Variants in PEAK1 observed in about 807,000 individuals in gnomAD.
PEAK1 encodes the protein pseudopodium enriched atypical kinase 1.
In PEAK1, 54 loss-of-function variants were observed where a neutral mutation model predicts 124.7. The ratio of observed to expected loss-of-function variants is 0.43; its 90% CI spans 0.35 to 0.54. The LOEUF (loss-of-function observed/expected upper bound fraction) is 0.54. Ranked by LOEUF, PEAK1 falls within the 20% of genes least tolerant of loss-of-function variation. The pLI is 0.01. For missense variants in PEAK1, 2,046 were observed against 2,134.5 expected, an observed-to-expected ratio of 0.96 and a Z score of 0.82; for synonymous variants, 719 against 760.0, an observed-to-expected ratio of 0.95 and a Z score of 0.89.
intron 2 of PEAK1, chr15:77,350,073 T>C (rs2067114357): frequency 2.0e-6 from 2 of 985,436 alleles, no homozygotes; most frequent in Non-Finnish European, 2.4e-6. Context: ...TTTCAGATCA[T>C]TTGTGCAAAC....
At chr15:77,403,310 C>T (rs2071532658) in intron 1 of PEAK1, 1 of 961,488 alleles carries the variant, frequency 1.0e-6, no homozygotes, top group African/African-American at 1.8e-5. Flanking sequence ...CATTTAAGTG[C>T]TAAACATGTT....
Position 77,114,085 on chromosome 15 carries a change from A to G in PEAK1, c.*71T>C. On this transcript the variant is annotated 3_prime_UTR_variant, in exon 10 of 10. Transcript: ENST00000682557. ...TTCTTTCCTTGAATTTGGAGTGAGC[A>G]CTAGGGAGGGGAAGTGCATGGGTGA... is the stretch of plus-strand genomic sequence containing the variant. 6.7e-7 allele frequency: 1 copy of G among 1,492,970 alleles called. No individual in the cohort carries two copies. The highest frequency in any genetic ancestry group is 1.7e-5 in the Admixed American group (1 of 57,516). 92.5% of individuals were successfully genotyped at this position (1,492,970 alleles called of 1,614,324 possible). A position where few individuals can be genotyped will look rare whatever the true frequency, so the allele number is the denominator to read the frequency against.
Position 77,179,709 on chromosome 15 carries a change from C to T in PEAK1, c.2218G>A (p.Glu740Lys). 6.2e-7 allele frequency: 1 copy of T among 1,614,030 alleles called. No homozygotes were observed. The highest frequency in any genetic ancestry group is 2.2e-5 in the East Asian group (1 of 44,862). The change falls in exon 7 of 10, where the codon GAG becomes AAG. Residue 740 changes from glutamate (E) to lysine (K), a missense_variant. Glu to Lys is a moderately conservative substitution (Grantham distance 56). Coordinates refer to ENST00000682557, the MANE Select transcript of PEAK1 (RefSeq NM_001385026.1). ...GTGCCTTCTATTTTGGCCACAGGCT[C>T]TTGAGTGGCTCTCTGGATCTTTGCT... ...SPAKIQRATQ[E>K]PVAKIEGTQE...
intron 5 of PEAK1, among the ~76,000 whole-genome samples, chr15:77,253,893 AC>A (rs2061001841): frequency 1.3e-5 from 2 of 152,184 alleles, no homozygotes; most frequent in South Asian, 4.1e-4. Flanking sequence ...ATATTGGCTC[AC>A]TGCAACATCC....
intron 6 of PEAK1, among the ~76,000 whole-genome samples, chr15:77,237,591 AC>A (rs1244398757): frequency 6.6e-6 from 1 of 152,098 alleles, no homozygotes; most frequent in Non-Finnish European, 1.5e-5. Context: ...CATATCAATT[AC>A]ATTAAGCTCA....
intron 1 of PEAK1, among the ~76,000 whole-genome samples, chr15:77,391,001 G>C (rs2070404353): frequency 6.6e-6 from 1 of 152,126 alleles, no homozygotes; most frequent in African/African-American, 2.4e-5. Context: ...GACTGTGAGG[G>C]TGCACTGTCC....
intron 5 of PEAK1, among the ~76,000 whole-genome samples, chr15:77,276,784 G>T (rs937057400): frequency 1.3e-5 from 2 of 151,534 alleles, no homozygotes; most frequent in African/African-American, 4.9e-5. Flanking sequence ...TGTATGTAAA[G>T]AAAATAAAAC....
intron 5 of PEAK1, among the ~76,000 whole-genome samples, chr15:77,273,349 T>C (rs1171509268): frequency 6.6e-6 from 1 of 152,076 alleles, no homozygotes; most frequent in Non-Finnish European, 1.5e-5. Context: ...GATGACATAA[T>C]CATATACCTA....
At chr15:77,283,370 T>C (rs1173626221) in intron 5 of PEAK1, among the ~76,000 whole-genome samples, 1 of 152,136 alleles carries the variant, frequency 6.6e-6, no homozygotes, top group East Asian at 1.9e-4. Flanking sequence ...ATTGTATTAA[T>C]GATCAAATTT....
rs1460083126 is a variant in PEAK1, at chr15:77,181,255, C to T, written c.672G>A (p.Arg224=). 6.2e-7 allele frequency: 1 copy of T among 1,613,822 alleles called. No homozygotes were observed. The highest frequency in any genetic ancestry group is 1.3e-5 in the African/African-American group (1 of 74,940). ...STEVISNEGG[R]FCYPEFSSGE... is the part of the protein sequence containing the mutation. ...CACTGGAAAACTCTGGGTAACAGAA[C>T]CGGCCCCCTTCATTACTAATCACTT... The change falls in exon 7 of 10, where the codon CGG becomes CGA. Residue 224 remains arginine, a synonymous_variant. Coordinates refer to ENST00000682557, the MANE Select transcript of PEAK1 (RefSeq NM_001385026.1).
chr15:77,279,104 CGTGT>C (rs34561338), intron 5 of PEAK1, among the ~76,000 whole-genome samples: 2,566 of 115,050 alleles, frequency 0.022, 68 homozygotes, highest in African/African-American at 0.063. Context: ...CTCGTGTGTG[CGTGT>C]GTGTGTGTGT....
Position 77,398,641 on chromosome 15 carries a change from C to T in PEAK1, c.-666+21365G>A, listed in dbSNP as rs184453517. 6.4e-4 allele frequency among the ~76,000 whole-genome samples: 98 copies of T among 152,226 alleles called. 1 individual carries two copies. The highest frequency in any genetic ancestry group is 2.2e-3 in the Admixed American group (34 of 15,294). On this transcript the variant is annotated intron_variant, in intron 1 of 9. Coordinates refer to ENST00000682557, the MANE Select transcript of PEAK1 (RefSeq NM_001385026.1). ...TCAACACAATAAAAGCCATATATGA[C>T]GGAACCGCAGCTAGTATCATACTGA... is the stretch of plus-strand genomic sequence containing the variant.
chr15:77,105,119 A>C (rs569356145), downstream of PEAK1: 3 of 152,332 alleles, frequency 2.0e-5, no homozygotes, highest in African/African-American at 7.2e-5. Context: ...CTCCAGCTCA[A>C]GTGTGGGCTG....
At chr15:77,172,602 C>G (rs950311448) in intron 7 of PEAK1, among the ~76,000 whole-genome samples, 1 of 152,160 alleles carries the variant, frequency 6.6e-6, no homozygotes, top group African/African-American at 2.4e-5. Flanking sequence ...GGGGCTAGTT[C>G]AGCTTCACAA....
intron 2 of PEAK1, among the ~76,000 whole-genome samples, chr15:77,344,509 CTCTGT>C (rs1352759114): frequency 5.3e-5 from 8 of 152,218 alleles, no homozygotes; most frequent in African/African-American, 1.9e-4. Context: ...AGACCTCCAA[CTCTGT>C]TCTTCTTTTC....
rs2053068352 is a variant in PEAK1, at chr15:77,133,621, G to A, written c.3461C>T (p.Pro1154Leu). ...APNASQPTPP[P>L]LPKKMIIRAN... Reference sequence around the variant, plus strand: ...TCTTATGATCATCTTCTTTGGCAGTGGGGGTGGTGTAGGTTGGGAAGCATT... The same window carrying A: ...TCTTATGATCATCTTCTTTGGCAGTAGGGGTGGTGTAGGTTGGGAAGCATT... Residue 1154 changes from proline (P) to leucine (L), a missense_variant, in exon 9 of 10, where the codon CCA becomes CTA. Coordinates refer to ENST00000682557, the MANE Select transcript of PEAK1 (RefSeq NM_001385026.1). This position sits in a 1 kb window ranked among gnomAD's most constrained non-coding sequence, Gnocchi z 4.2. 1 of 1,614,144 alleles carries A rather than the reference G, an allele frequency of 6.2e-7. No homozygotes were observed. The highest frequency in any genetic ancestry group is 8.5e-7 in the Non-Finnish European group (1 of 1,180,024).
At chr15:77,277,570 A>G (rs1257922035) in intron 5 of PEAK1, among the ~76,000 whole-genome samples, 2 of 152,094 alleles carry the variant, frequency 1.3e-5, no homozygotes, top group Non-Finnish European at 2.9e-5. Context: ...TATGTTTTCA[A>G]ATTCATGTGA....
chr15:77,404,056 A>AT, intron 1 of PEAK1: 2 of 984,418 alleles, frequency 2.0e-6, no homozygotes, highest in Non-Finnish European at 2.4e-6. Flanking sequence ...TATAGAATCA[A>AT]TTTTACTGAC....
chr15:77,127,805 C>T (rs916244505), intron 9 of PEAK1, among the ~76,000 whole-genome samples: 1 of 152,144 alleles, frequency 6.6e-6, no homozygotes, highest in Non-Finnish European at 1.5e-5. Context: ...TGAGGCCAGG[C>T]GTTGTGGCTC....
Sources: gnomAD v4.1 joint callset for allele counts (sites outside exome capture counted in the v4.1 genomes callset) on GRCh38, gnomAD v4.1.1 for gene constraint, Gnocchi (gnomAD v3.1) non-coding constraint, MANE v1.5 for transcripts, NCBI Gene and HGNC (gene_info 2026-07-23, HGNC 2026-07-21) for gene names.